The following GRM7 variants were observed in gnomAD, a reference collection of about 807,000 sequenced individuals.
GRM7 encodes the protein metabotropic glutamate receptor 7.
In GRM7, 35 loss-of-function variants were observed where a neutral mutation model predicts 84.5. That is an observed-to-expected ratio of 0.41 (90% confidence interval 0.32 to 0.55). The LOEUF is 0.55. GRM7 is among the 20% of genes least tolerant of loss of function. The pLI, the probability that GRM7 is intolerant of heterozygous loss-of-function variation, is 0.19. For synonymous variants in GRM7, 487 were observed against 455.1 expected (o/e 1.07, Z -0.89); for missense variants, 1,003 against 1,194.6 (o/e 0.84, Z 2.36).
chr3:7,557,464 C>A (rs569252171), intron 7 of GRM7, among the ~76,000 whole-genome samples: 1 of 152,104 alleles, frequency 6.6e-6, no homozygotes, highest in East Asian at 1.9e-4. Flanking sequence ...AAGTGAAAAA[C>A]ATGTATTGAG....
intron 1 of GRM7, among the ~76,000 whole-genome samples, chr3:6,972,496 A>G (rs543988865): frequency 4.6e-5 from 7 of 152,294 alleles, no homozygotes; most frequent in African/African-American, 1.7e-4. Flanking sequence ...CTTTTCATCC[A>G]GGGCCATCTC....
At chr3:7,596,739 G>A (rs1308609475) in intron 8 of GRM7, among the ~76,000 whole-genome samples, 1 of 152,174 alleles carries the variant, frequency 6.6e-6, no homozygotes, top group Non-Finnish European at 1.5e-5. Context: ...CCTGGCTAGA[G>A]TGGTGCTAGG....
At chr3:7,008,960 T>C (rs1458705208) in intron 1 of GRM7, among the ~76,000 whole-genome samples, 1 of 152,194 alleles carries the variant, frequency 6.6e-6, no homozygotes, top group East Asian at 1.9e-4. Flanking sequence ...ATAAAATGTA[T>C]GTGAGGCTCA....
intron 9 of GRM7, among the ~76,000 whole-genome samples, chr3:7,736,021 C>T (rs1702488018): frequency 6.6e-6 from 1 of 152,164 alleles, no homozygotes; most frequent in East Asian, 1.9e-4. Context: ...TGAGAGTTCT[C>T]ACTTTTTCAC....
At chr3:7,680,993 T>C (rs1700344798) in intron 9 of GRM7, 1 of 152,312 alleles carries the variant, frequency 6.6e-6, no homozygotes, top group African/African-American at 2.4e-5. Flanking sequence ...TAGTCATGCA[T>C]GCAAATGTCC....
chr3:7,694,461 C>T, intron 9 of GRM7: 1 of 788,372 alleles, frequency 1.3e-6, no homozygotes, highest in Non-Finnish European at 1.5e-6. Context: ...GAATGTCAAG[C>T]AATCCATCTG....
chr3:7,013,563 T>C (rs1167227199), intron 1 of GRM7, among the ~76,000 whole-genome samples: 3 of 152,202 alleles, frequency 2.0e-5, no homozygotes, highest in African/African-American at 4.8e-5. Flanking sequence ...TTTATAATTT[T>C]CTTTAAGTAC....
intron 8 of GRM7, among the ~76,000 whole-genome samples, chr3:7,627,354 T>C (rs1697660297): frequency 6.6e-6 from 1 of 152,192 alleles, no homozygotes; most frequent in Non-Finnish European, 1.5e-5. Flanking sequence ...TCTGCAGATG[T>C]AGAACAGAGA....
chr3:6,938,859 C>T (rs776287228), intron 1 of GRM7, among the ~76,000 whole-genome samples: 11 of 152,190 alleles, frequency 7.2e-5, no homozygotes, highest in Non-Finnish European at 1.3e-4. Context: ...GTCAAGCTCA[C>T]ATCTGAACCC....
intron 7 of GRM7, among the ~76,000 whole-genome samples, chr3:7,542,900 C>T (rs57962060): frequency 0.25 from 38,025 of 152,030 alleles, 5,910 homozygotes; most frequent in African/African-American, 0.43. Context: ...GTAAATATTT[C>T]ATTATCGACT....
intron 2 of GRM7, among the ~76,000 whole-genome samples, chr3:7,260,548 T>C (rs909629713): frequency 2.0e-5 from 3 of 152,176 alleles, no homozygotes; most frequent in African/African-American, 7.2e-5. Context: ...AGTAGTAACG[T>C]CCCCTTTGTT....
At chr3:7,675,067 A>G (rs1253144677) in intron 8 of GRM7, among the ~76,000 whole-genome samples, 1 of 152,242 alleles carries the variant, frequency 6.6e-6, no homozygotes, top group Non-Finnish European at 1.5e-5. Flanking sequence ...AAATTTTTAT[A>G]TAGATAAAAG....
chr3:7,569,583 C>T (rs1694536480), intron 7 of GRM7, among the ~76,000 whole-genome samples: 1 of 152,092 alleles, frequency 6.6e-6, no homozygotes, highest in Non-Finnish European at 1.5e-5. Context: ...CCCTTCCACG[C>T]CGTGGAAGCT....
intron 9 of GRM7, among the ~76,000 whole-genome samples, chr3:7,706,885 C>G (rs1249461768): frequency 1.3e-5 from 2 of 152,130 alleles, no homozygotes; most frequent in African/African-American, 2.4e-5. Flanking sequence ...CGCATGGTCA[C>G]TATCTGGCTA....
chr3:7,570,009 G>C (rs1319433086), intron 7 of GRM7, among the ~76,000 whole-genome samples: 1 of 152,144 alleles, frequency 6.6e-6, no homozygotes, highest in Non-Finnish European at 1.5e-5. Context: ...TGCAGGGGAA[G>C]TTCCATTTTT....
intron 4 of GRM7, among the ~76,000 whole-genome samples, chr3:7,382,763 A>C (rs1694640068): frequency 6.6e-6 from 1 of 152,262 alleles, no homozygotes; most frequent in African/African-American, 2.4e-5. Flanking sequence ...ATTTGAAGAA[A>C]GTTGGGCAAA....
At chr3:7,285,162 G>A (rs1029374287) in intron 2 of GRM7, among the ~76,000 whole-genome samples, 3 of 152,176 alleles carry the variant, frequency 2.0e-5, no homozygotes, top group African/African-American at 7.2e-5. Context: ...AGACTGCAAA[G>A]TCTCAAATAT....
chr3:7,483,427 A>G (rs7623856), intron 7 of GRM7, among the ~76,000 whole-genome samples: 221 of 152,312 alleles, frequency 1.5e-3, no homozygotes, highest in African/African-American at 5.2e-3. Context: ...ACAGAAAGCA[A>G]CAGAGGAGCA....
At chr3:7,110,521 G>A (rs531585806) in intron 1 of GRM7, among the ~76,000 whole-genome samples, 2 of 151,868 alleles carry the variant, frequency 1.3e-5, no homozygotes, top group Admixed American at 1.3e-4. Flanking sequence ...CTTGAACCTG[G>A]GAGGTGGAGA....
Sources: gnomAD v4.1 joint callset for allele counts (sites outside exome capture counted in the v4.1 genomes callset) on GRCh38, gnomAD v4.1.1 for gene constraint, MANE v1.5 for transcripts, NCBI Gene and HGNC (gene_info 2026-07-23, HGNC 2026-07-21) for gene names.